EYS: variants seen among roughly 807,000 people sequenced by gnomAD.
The protein encoded by EYS is protein eyes shut homolog.
In EYS, 250 loss-of-function variants were observed where a neutral mutation model predicts 282.1. That is an observed-to-expected ratio of 0.89 (90% CI 0.80 to 0.98). The LOEUF (loss-of-function observed/expected upper bound fraction) is 0.98. Ranked by LOEUF, EYS falls within the 50% of genes least tolerant of loss-of-function variation. EYS has a pLI of 0.00. For synonymous variants in EYS, 1,355 were observed against 1,282.9 expected (o/e 1.06, Z -1.20); for missense variants, 4,016 against 3,709.0 (o/e 1.08, Z -2.15).
intron 31 of EYS, among the ~76,000 whole-genome samples, chr6:64,098,294 T>C (rs902389786): frequency 2.0e-5 from 3 of 152,182 alleles, no homozygotes; most frequent in African/African-American, 7.2e-5. Context: ...TGAATTATGA[T>C]ACAGGTATAG....
chr6:63,852,573 T>G (rs1380812856), intron 36 of EYS, among the ~76,000 whole-genome samples: 1 of 152,152 alleles, frequency 6.6e-6, no homozygotes, highest in African/African-American at 2.4e-5. Context: ...GTTGGTACCA[T>G]TCCTTCTGAA....
chr6:65,564,848 G>A (rs115618146), intron 2 of EYS, among the ~76,000 whole-genome samples: 84 of 152,158 alleles, frequency 5.5e-4, no homozygotes, highest in Non-Finnish European at 9.4e-4. Context: ...GCAACCCACA[G>A]AATGGGAGAA....
intron 37 of EYS, among the ~76,000 whole-genome samples, chr6:63,792,355 G>A (rs1770538472): frequency 1.3e-5 from 2 of 152,012 alleles, no homozygotes; most frequent in African/African-American, 4.8e-5. Context: ...AAATGATGGA[G>A]TAGATAAGAG....
At chr6:64,360,878 T>C (rs900463290) in intron 29 of EYS, among the ~76,000 whole-genome samples, 1 of 151,712 alleles carries the variant, frequency 6.6e-6, no homozygotes, top group Non-Finnish European at 1.5e-5. Flanking sequence ...CAGTGCAATA[T>C]GTTAGCATGC....
intron 29 of EYS, among the ~76,000 whole-genome samples, chr6:64,370,840 T>C (rs112040390): frequency 0.013 from 1,985 of 152,246 alleles, 43 homozygotes; most frequent in African/African-American, 0.045. Context: ...GACAGTTTTT[T>C]GTATTTCTGT....
chr6:63,849,377 C>T (rs573516343), intron 36 of EYS, among the ~76,000 whole-genome samples: 245 of 152,240 alleles, frequency 1.6e-3, no homozygotes, highest in Non-Finnish European at 3.0e-3. Context: ...CCCTGAACCT[C>T]GTGGGTCCTG....
At chr6:63,984,856 A>T (rs1582080815) in intron 34 of EYS, among the ~76,000 whole-genome samples, 1 of 151,932 alleles carries the variant, frequency 6.6e-6, no homozygotes, top group Non-Finnish European at 1.5e-5. Context: ...AGACACTCAG[A>T]AAAACTTGCT....
intron 35 of EYS, among the ~76,000 whole-genome samples, chr6:63,871,554 C>G (rs1336982187): frequency 6.6e-6 from 1 of 151,934 alleles, no homozygotes; most frequent in African/African-American, 2.4e-5. Flanking sequence ...TCCAGCTACT[C>G]AGGAGGCTGA....
chr6:65,217,169 G>T (rs1766335840), intron 12 of EYS, among the ~76,000 whole-genome samples: 1 of 152,042 alleles, frequency 6.6e-6, no homozygotes, highest in Non-Finnish European at 1.5e-5. Flanking sequence ...AATATGTTGT[G>T]CTCTTGAGAA....
intron 2 of EYS, among the ~76,000 whole-genome samples, chr6:65,562,470 G>A (rs905024219): frequency 9.9e-5 from 15 of 151,834 alleles, no homozygotes; most frequent in African/African-American, 3.4e-4. Flanking sequence ...AGGACAGAAT[G>A]GAAAGAATGA....
intron 26 of EYS, among the ~76,000 whole-genome samples, chr6:64,469,696 G>A (rs2150491261): frequency 6.6e-6 from 1 of 152,010 alleles, no homozygotes; most frequent in Admixed American, 6.5e-5. Context: ...TAGTGGACCG[G>A]GAAAGGGAGT....
At chr6:64,875,735 T>C (rs1474274337) in intron 19 of EYS, among the ~76,000 whole-genome samples, 2 of 152,166 alleles carry the variant, frequency 1.3e-5, no homozygotes, top group African/African-American at 4.8e-5. Flanking sequence ...CTAATTAAAA[T>C]GTTCTTACAT....
intron 28 of EYS, among the ~76,000 whole-genome samples, chr6:64,417,806 C>T (rs1774105413): frequency 6.6e-6 from 1 of 151,072 alleles, no homozygotes; most frequent in Middle Eastern, 3.2e-3. Flanking sequence ...AAGTAGCTGG[C>T]ACTACAGGTG....
intron 30 of EYS, among the ~76,000 whole-genome samples, chr6:64,303,773 G>A (rs1052416072): frequency 1.9e-4 from 28 of 149,226 alleles, no homozygotes; most frequent in Non-Finnish European, 3.4e-4. Flanking sequence ...CCCGGGAGGC[G>A]GAGCTTGCAG....
rs367638972 is a variant in EYS, at chr6:64,124,258, T to C, written c.6425-42256A>G. The stretch of plus-strand genomic sequence containing the variant: ...CTCAAAGTAAGTACAAGAAACATAC[T>C]GATAATATGAGATTCTTCTTACTCT... On this transcript the variant is annotated intron_variant, in intron 31 of 42. Coordinates refer to ENST00000503581, the MANE Select transcript of EYS (RefSeq NM_001142800.2). 3.5e-4 allele frequency among the ~76,000 whole-genome samples: 54 copies of C among 152,194 alleles called. No homozygotes were observed. In the East Asian group the frequency reaches 7.1e-3, roughly 20 times the overall value.
chr6:64,276,827 G>A (rs116192570), intron 30 of EYS, among the ~76,000 whole-genome samples: 3,553 of 152,176 alleles, frequency 0.023, 133 homozygotes, highest in African/African-American at 0.081. Flanking sequence ...GGCCTCATTA[G>A]TCTAGGTTCA....
chr6:65,246,089 T>G (rs1370121001), intron 12 of EYS, among the ~76,000 whole-genome samples: 1 of 152,112 alleles, frequency 6.6e-6, no homozygotes, highest in Admixed American at 6.5e-5. Flanking sequence ...CAAAATGATT[T>G]TTCTCATTCA....
rs1768554990 is a variant in EYS at position 65,444,020 on chromosome 6, G to T, written c.863-38653C>A. 2.6e-5 allele frequency among the ~76,000 whole-genome samples: 4 copies of T among 151,768 alleles called. No homozygotes were observed. The South Asian group carries it at 8.3e-4, about 32-fold the overall frequency. On this transcript the variant is annotated intron_variant, in intron 5 of 42. Coordinates refer to ENST00000503581, the MANE Select transcript of EYS (RefSeq NM_001142800.2). ...CTTTAATAATAATTATTAAAGCATGGTTCAATGGTTAAAAGTAAGGTCCCT... is the reference window on the plus strand; with the variant it reads ...CTTTAATAATAATTATTAAAGCATGTTTCAATGGTTAAAAGTAAGGTCCCT...
At chr6:64,388,036 G>C (rs890157031) in intron 29 of EYS, among the ~76,000 whole-genome samples, 4 of 151,932 alleles carry the variant, frequency 2.6e-5, no homozygotes, top group Non-Finnish European at 5.9e-5. Context: ...ATATAATAAG[G>C]GAAAAGATTA....
Sources: allele counts gnomAD v4.1 joint callset (sites outside exome capture counted in the v4.1 genomes callset), GRCh38; gene constraint gnomAD v4.1.1; transcripts MANE v1.5; gene names NCBI Gene and HGNC (gene_info 2026-07-23, HGNC 2026-07-21).